GOLIM4: variants seen among roughly 807,000 people sequenced by gnomAD.
GOLIM4 encodes the protein golgi integral membrane protein 4.
Under a neutral mutation model 107.4 loss-of-function variants are expected in GOLIM4, and 71 were observed. The ratio of observed to expected loss-of-function variants is 0.66; its 90% CI spans 0.55 to 0.81. The LOEUF is 0.81. GOLIM4 is among the 30% of genes least tolerant of loss of function. The pLI, the probability that GOLIM4 is intolerant of heterozygous loss-of-function variation, is 0.00. For missense variants in GOLIM4, 830 were observed against 826.1 expected (o/e 1.00, Z -0.06); for synonymous variants, 327 against 294.8 (o/e 1.11, Z -1.12).
chr3:168,077,697 A>T (rs1188164553), intron 1 of GOLIM4, among the ~76,000 whole-genome samples: 2 of 152,174 alleles, frequency 1.3e-5, no homozygotes, highest in Non-Finnish European at 2.9e-5. Flanking sequence ...AAACCTTTTA[A>T]ATTTACCTCT....
intron 1 of GOLIM4, among the ~76,000 whole-genome samples, chr3:168,056,419 C>A (rs554541369): frequency 6.6e-6 from 1 of 152,284 alleles, no homozygotes; most frequent in East Asian, 1.9e-4. Flanking sequence ...TTGGAGCTCC[C>A]AAACAGAGTC....
chr3:168,064,597 T>C (rs1560099394), intron 1 of GOLIM4, among the ~76,000 whole-genome samples: 3 of 136,866 alleles, frequency 2.2e-5, no homozygotes, highest in Non-Finnish European at 4.8e-5. Context: ...ACAAAATACT[T>C]GGGGATTTTT....
intron 1 of GOLIM4, among the ~76,000 whole-genome samples, chr3:168,080,458 T>C (rs1376686690): frequency 1.3e-5 from 2 of 152,196 alleles, no homozygotes; most frequent in East Asian, 1.9e-4. Context: ...AAGATTCAGC[T>C]CCTCAGTCAC....
intron 1 of GOLIM4, among the ~76,000 whole-genome samples, chr3:168,081,491 G>A (rs1220736864): frequency 2.0e-5 from 3 of 152,172 alleles, no homozygotes; most frequent in Admixed American, 2.0e-4. Flanking sequence ...GCCCTCAGAG[G>A]TGGCAAAGTC....
intron 1 of GOLIM4, among the ~76,000 whole-genome samples, chr3:168,064,868 T>C (rs528498384): frequency 6.6e-6 from 1 of 151,942 alleles, no homozygotes; most frequent in South Asian, 2.1e-4. Flanking sequence ...TAATTAGACG[T>C]CCAGATTTTT....
intron 14 of GOLIM4, among the ~76,000 whole-genome samples, chr3:168,017,460 A>G: frequency 6.6e-6 from 1 of 152,218 alleles, no homozygotes; most frequent in Non-Finnish European, 1.5e-5. Context: ...ACTGCACAAC[A>G]GCCTCGATGA....
rs61743912 is a variant in GOLIM4 at position 168,029,855 on chromosome 3, T to C, written c.1358A>G (p.Gln453Arg). 6,609 of 1,583,484 alleles carry C rather than the reference T, an allele frequency of 4.2e-3. 230 individuals carry two copies. In the African/African-American group the frequency reaches 0.077, roughly 18 times the overall value. Residue 453 changes from glutamine to arginine, a missense_variant, in exon 10 of 16, where the codon CAG becomes CGG. Physicochemically the swap from Gln to Arg is conservative, Grantham distance 43. Coordinates refer to ENST00000470487, the MANE Select transcript of GOLIM4 (RefSeq NM_014498.5). Reference protein sequence around the residue: ...LLRQQEQQQQQVAREMALQRQ... With the variant: ...LLRQQEQQQQRVAREMALQRQ... ...CTGCAGGGCCATCTCTCTTGCCACC[T>C]GCTGCTGCTGCTGTTCCTGCTGCCG...
chr3:168,068,476 A>G (rs1720661341), intron 1 of GOLIM4, among the ~76,000 whole-genome samples: 1 of 152,212 alleles, frequency 6.6e-6, no homozygotes, highest in African/African-American at 2.4e-5. Context: ...TACTGTTTAT[A>G]CGTCAACTTC....
rs1443380477 is a variant in GOLIM4, at chr3:168,015,839, T to C, written c.1861-5016A>G. On this transcript the variant is annotated intron_variant, in intron 14 of 15. Transcript: ENST00000470487. ...GTGCTGGGAAAACTGGCTAGCCATATGTAGAAAGCTGAAACTGGATCACTT... is the reference window on the plus strand; with the variant it reads ...GTGCTGGGAAAACTGGCTAGCCATACGTAGAAAGCTGAAACTGGATCACTT... 3.8e-5 allele frequency among the ~76,000 whole-genome samples: 5 copies of C among 132,516 alleles called. 2 individuals are homozygous for C. The highest frequency in any genetic ancestry group is 2.0e-4 in the East Asian group (1 of 5,044). The allele number at this position is 132,516 out of a possible 152,430, so 86.9% of individuals were successfully genotyped here.
chr3:168,095,450 C>G lies in GOLIM4; in HGVS notation c.-165G>C, dbSNP rs1282842135. ...AGGGGAAGTGGCGCCCGCTCAGCCC[C>G]CGCGCGGCGCGGGGCGCGCAGCCAT... On this transcript the variant is annotated 5_prime_UTR_variant, in exon 1 of 16. Transcript: ENST00000470487. 4 of 558,556 alleles carry G rather than the reference C, an allele frequency of 7.2e-6. No individual in the cohort carries two copies. Among genetic ancestry groups the G allele is most frequent in the Non-Finnish European group, 3.1e-6 (1 of 326,378 alleles). The allele number at this position is 558,556 out of a possible 1,614,324, so 34.6% of individuals were successfully genotyped here.
At position 168,047,093 on chromosome 3, in the gene GOLIM4, A is replaced by C. The variant is rs989498125; in HGVS notation, c.263-94T>G. ...AAGGCAAACTTCACTCATGCTTACAAAAGTGTTTTAGGTTTAAAACAATCT... is the reference window on the plus strand; with the variant it reads ...AAGGCAAACTTCACTCATGCTTACACAAGTGTTTTAGGTTTAAAACAATCT... On this transcript the variant is annotated intron_variant, in intron 2 of 15. Transcript: ENST00000470487. 11 of 620,548 alleles carry C rather than the reference A, an allele frequency of 1.8e-5. No individual in the cohort carries two copies. In the Admixed American group the frequency reaches 4.0e-4, roughly 22 times the overall value. 38.4% of individuals were successfully genotyped at this position (620,548 alleles called of 1,614,324 possible).
chr3:168,048,251 T>C, intron 2 of GOLIM4, 40 bp downstream of exon 2: 1 of 1,024,860 alleles, frequency 9.8e-7, no homozygotes, highest in Non-Finnish European at 1.5e-6. Context: ...CAAAGAAGAG[T>C]ACTGGAAAAA....
intron 9 of GOLIM4, among the ~76,000 whole-genome samples, chr3:168,031,494 T>C (rs771889158): frequency 1.3e-5 from 2 of 152,184 alleles, no homozygotes; most frequent in Non-Finnish European, 2.9e-5. Context: ...AAAAAGTGTC[T>C]GTACCCCATT....
intron 1 of GOLIM4, among the ~76,000 whole-genome samples, chr3:168,070,446 A>G (rs1424729983): frequency 1.3e-5 from 2 of 152,222 alleles, no homozygotes. Flanking sequence ...ACCTGAACTC[A>G]GGTCTACACC....
chr3:168,090,591 C>T (rs1038877166), intron 1 of GOLIM4, among the ~76,000 whole-genome samples: 13 of 152,130 alleles, frequency 8.5e-5, no homozygotes, highest in African/African-American at 3.1e-4. Context: ...CTAGCACAAC[C>T]TTTCTGGAAA....
At chr3:168,078,180 C>T (rs1721161866) in intron 1 of GOLIM4, among the ~76,000 whole-genome samples, 1 of 151,904 alleles carries the variant, frequency 6.6e-6, no homozygotes, top group Non-Finnish European at 1.5e-5. Flanking sequence ...AATGAATAGA[C>T]CTTTCCTTTT....
At chr3:168,025,756 T>C (rs762237047) in intron 12 of GOLIM4, among the ~76,000 whole-genome samples, 5 of 152,198 alleles carry the variant, frequency 3.3e-5, no homozygotes, top group Non-Finnish European at 7.3e-5. Context: ...AACTGCCCAA[T>C]AGGGCAATAT....
At chr3:168,028,042 A>G (rs1274325411) in intron 11 of GOLIM4, among the ~76,000 whole-genome samples, 1 of 152,224 alleles carries the variant, frequency 6.6e-6, no homozygotes, top group Admixed American at 6.5e-5. Context: ...GATATGGGTC[A>G]GACACTTTTC....
intron 14 of GOLIM4, among the ~76,000 whole-genome samples, chr3:168,017,122 T>G (rs988936596): frequency 6.6e-5 from 10 of 152,226 alleles, no homozygotes; most frequent in African/African-American, 1.9e-4. Context: ...CTTTTCTGTT[T>G]GAATTTCTGG....
Sources: allele counts gnomAD v4.1 joint callset (sites outside exome capture counted in the v4.1 genomes callset), GRCh38; gene constraint gnomAD v4.1.1; transcripts MANE v1.5; gene names NCBI Gene and HGNC (gene_info 2026-07-23, HGNC 2026-07-21).